TRIM13: variants seen among roughly 807,000 people sequenced by gnomAD.
TRIM13 encodes tripartite motif containing 13.
TRIM13 carries 15 observed loss-of-function variants against 27.1 expected under a neutral mutation model. The ratio of observed to expected loss-of-function variants is 0.55; its 90% CI spans 0.37 to 0.85. TRIM13 has a LOEUF of 0.85. Among genes scored for constraint, TRIM13 ranks in the 40% least tolerant of loss-of-function variants. TRIM13 has a pLI of 0.00. For missense variants in TRIM13, 402 were observed against 472.2 expected, an observed-to-expected ratio of 0.85 and a Z score of 1.38; for synonymous variants, 193 against 171.5, an observed-to-expected ratio of 1.13 and a Z score of -0.98.
At chr13:50,000,441 G>A (rs554569114) in intron 1 of TRIM13, among the ~76,000 whole-genome samples, 17 of 152,226 alleles carry the variant, frequency 1.1e-4, no homozygotes, top group African/African-American at 3.9e-4. Flanking sequence ...TTACCTAAAT[G>A]TTACAATACC....
rs1417607806 is a variant in TRIM13 at position 50,017,744 on chromosome 13, G to A, written c.*4580G>A. On this transcript the variant is annotated 3_prime_UTR_variant, in exon 2 of 2. Transcript: ENST00000378182. ...TGGGATGAAAACTCTGGCCTTAAAA[G>A]GTCCACTTTTAGTATATAATTGCCT... 6.0e-6 allele frequency: 1 copy of A among 166,956 alleles called. No homozygotes were observed. Among genetic ancestry groups the A allele is most frequent in the East Asian group, 1.9e-4 (1 of 5,198 alleles). The allele number at this position is 166,956 out of a possible 1,614,324, so 10.3% of individuals were successfully genotyped here. A position where few individuals can be genotyped will look rare whatever the true frequency, so the allele number is the denominator to read the frequency against.
At chr13:50,007,514 C>G (rs1318982539) in intron 1 of TRIM13, among the ~76,000 whole-genome samples, 1 of 146,704 alleles carries the variant, frequency 6.8e-6, no homozygotes, top group Admixed American at 6.8e-5. Flanking sequence ...ACGCCAGGCA[C>G]GGTGGCTCAC....
chr13:50,009,315 T>C (rs1247682096), intron 1 of TRIM13, among the ~76,000 whole-genome samples: 2 of 152,130 alleles, frequency 1.3e-5, no homozygotes, highest in Non-Finnish European at 2.9e-5. Flanking sequence ...TTGGTTGAAA[T>C]AAACGAAGAA....
In TRIM13 at chr13:50,017,157, C is replaced by T. The variant is rs541392130; in HGVS notation, c.*3993C>T. 3 of 167,064 alleles carry T rather than the reference C, an allele frequency of 1.8e-5. No individual in the cohort carries two copies. The highest frequency in any genetic ancestry group is 2.9e-5 in the Non-Finnish European group (2 of 68,076). The allele number at this position is 167,064 out of a possible 1,614,324, so 10.3% of individuals were successfully genotyped here. A position where few individuals can be genotyped will look rare whatever the true frequency, so the allele number is the denominator to read the frequency against. On this transcript the variant is annotated 3_prime_UTR_variant, in exon 2 of 2. Transcript: ENST00000378182. ...CTAATACCTTATCTTTATCTCAAAC[C>T]TCTGTACAACTTTATTTTCATTGAT...
chr13:50,002,001 G>T (rs1874099738), intron 1 of TRIM13, among the ~76,000 whole-genome samples: 1 of 152,118 alleles, frequency 6.6e-6, no homozygotes, highest in African/African-American at 2.4e-5. Context: ...GTTTGTCAGA[G>T]GTTACAGACT....
At position 50,017,535 on chromosome 13, in the gene TRIM13, A is replaced by G. The variant is rs536367433; in HGVS notation, c.*4371A>G. 6.0e-6 allele frequency: 1 copy of G among 167,168 alleles called. No homozygotes were observed. Among genetic ancestry groups the G allele is most frequent in the South Asian group, 2.1e-4 (1 of 4,828 alleles). 10.4% of individuals were successfully genotyped at this position (167,168 alleles called of 1,614,324 possible). A position where few individuals can be genotyped will look rare whatever the true frequency, so the allele number is the denominator to read the frequency against. ...GAGAAAACATTATATTTAGACTTCCATAATTCCAAAATCAGAAGCTATTTT... is the reference window on the plus strand; with the variant it reads ...GAGAAAACATTATATTTAGACTTCCGTAATTCCAAAATCAGAAGCTATTTT... On this transcript the variant is annotated 3_prime_UTR_variant, in exon 2 of 2. Coordinates refer to ENST00000378182, the MANE Select transcript of TRIM13 (RefSeq NM_213590.3).
At chr13:50,011,733 C>T (rs952617132) in intron 1 of TRIM13, among the ~76,000 whole-genome samples, 2 of 152,180 alleles carry the variant, frequency 1.3e-5, no homozygotes, top group African/African-American at 4.8e-5. Context: ...ATAGGATGCC[C>T]TACTATTAAA....
Position 50,014,344 on chromosome 13 carries a change from A to AAAAATATATAT in TRIM13, c.*1181_*1182insAAATATATATA, listed in dbSNP as rs1555325057. On this transcript the variant is annotated 3_prime_UTR_variant, in exon 2 of 2. Transcript: ENST00000378182. ...AAAAAAAAAAAAAAAAAAAAAAAAA[A>AAAAATATATAT]ATATATATATATATATACACACACA... 1 of 19,726 alleles carries AAAAATATATAT rather than the reference A, an allele frequency of 5.1e-5. No individual in the cohort carries two copies. Among genetic ancestry groups the AAAAATATATAT allele is most frequent in the Non-Finnish European group, 8.3e-5 (1 of 12,098 alleles). 1.2% of individuals were successfully genotyped at this position (19,726 alleles called of 1,614,324 possible).
intron 1 of TRIM13, among the ~76,000 whole-genome samples, chr13:50,003,741 T>C (rs1009916806): frequency 9.2e-5 from 14 of 152,230 alleles, no homozygotes; most frequent in African/African-American, 2.9e-4. Flanking sequence ...TCTTTGTGGA[T>C]AGCTTGACAA....
In TRIM13 at chr13:50,012,569, C is replaced by A. The variant is rs1875787613; in HGVS notation, c.629C>A (p.Ala210Asp). Residue 210 changes from alanine (A) to aspartate (D), a missense_variant, in exon 2 of 2, where the codon GCT (alanine) becomes GAT (aspartate). By Grantham distance (126) the Ala-to-Asp change is moderately radical. Transcript: ENST00000378182. Reference protein sequence around the residue: ...ILSDFETMKLAVMQAYDPEIN... With the variant: ...ILSDFETMKLDVMQAYDPEIN... ...TCTGACTTTGAGACCATGAAACTTG[C>A]TGTTATGCAAGCATATGACCCAGAG... is the stretch of plus-strand genomic sequence containing the variant. 2 of 1,613,988 alleles carry A rather than the reference C, an allele frequency of 1.2e-6. No homozygotes were observed. The highest frequency in any genetic ancestry group is 2.7e-5 in the African/African-American group (2 of 74,916).
Position 50,016,047 on chromosome 13 carries a change from C to G in TRIM13, c.*2883C>G. 2 of 1,613,852 alleles carry G rather than the reference C, an allele frequency of 1.2e-6. No individual in the cohort carries two copies. The highest frequency in any genetic ancestry group is 1.7e-6 in the Non-Finnish European group (2 of 1,179,778). ...GTTTTCCAGTGTGGTTCTGACAGCA[C>G]TACTGATAACCAAACTGGAGTCAGG... On this transcript the variant is annotated 3_prime_UTR_variant, in exon 2 of 2. Transcript: ENST00000378182.
At chr13:50,010,416 A>G (rs1875485360) in intron 1 of TRIM13, among the ~76,000 whole-genome samples, 1 of 152,200 alleles carries the variant, frequency 6.6e-6, no homozygotes, top group Non-Finnish European at 1.5e-5. Context: ...TGGAGTATGG[A>G]ATCTGAAATT....
Position 50,012,049 on chromosome 13 carries a change from A to G in TRIM13, c.109A>G (p.Ile37Val), listed in dbSNP as rs935907426. 1.5e-5 allele frequency: 25 copies of G among 1,613,970 alleles called. No homozygotes were observed. Among genetic ancestry groups the G allele is most frequent in the Non-Finnish European group, 2.1e-5 (25 of 1,180,008 alleles). Residue 37 changes from isoleucine (I) to valine (V), a missense_variant, in exon 2 of 2, where the codon ATC becomes GTC. Physicochemically the swap from Ile to Val is conservative, Grantham distance 29 (BLOSUM62 3). This residue lies in a region of TRIM13 where 202 missense variants were observed against 277.5 expected (regional missense o/e 0.73). Coordinates refer to ENST00000378182, the MANE Select transcript of TRIM13 (RefSeq NM_213590.3). ...CTTCTGCAAAAAATGCTTAGAAGGT[A>G]TCTTAGAAGGGAGTGTGCGGAATTC... ...HNFCKKCLEG[I>V]LEGSVRNSLW...
rs1226639221 is a variant in TRIM13, at chr13:50,013,002, C to T, written c.1062C>T (p.Phe354=). Residue 354 remains phenylalanine (F), a synonymous_variant, in exon 2 of 2, where the codon TTC becomes TTT. Coordinates refer to ENST00000378182, the MANE Select transcript of TRIM13 (RefSeq NM_213590.3). ...CTTGGAAAGGCTGTCTTTCAAACTT[C>T]AGTTCCTATCTGACTAAAACAGCCG... is the stretch of plus-strand genomic sequence containing the variant. The part of the protein sequence containing the change: ...LATWKGCLSN[F]SSYLTKTADF... 6.2e-7 allele frequency: 1 copy of T among 1,613,942 alleles called. No homozygotes were observed. Among genetic ancestry groups the T allele is most frequent in the East Asian group, 2.2e-5 (1 of 44,860 alleles).
Position 49,997,480 on chromosome 13 carries a change from A to C in TRIM13, c.-290A>C, listed in dbSNP as rs1002388596. 1 of 152,138 alleles carries C rather than the reference A, an allele frequency of 6.6e-6. No individual in the cohort carries two copies. Among genetic ancestry groups the C allele is most frequent in the Non-Finnish European group, 1.5e-5 (1 of 68,070 alleles). The allele number at this position is 152,138 out of a possible 1,614,324, so 9.4% of individuals were successfully genotyped here. A position where few individuals can be genotyped will look rare whatever the true frequency, so the allele number is the denominator to read the frequency against. ...CAGCGCGCCGCCAGCGTTTGGTTGC[A>C]TGGCGCCGGGGGAGGGCGCCCTAAC... On this transcript the variant is annotated 5_prime_UTR_variant, in exon 1 of 2. The change abolishes an upstream ATG in the 5' untranslated region. Transcript: ENST00000378182.
In TRIM13 at chr13:50,016,193, T is replaced by C; in HGVS notation, c.*3029T>C. ...GATTATTCAAAATAATGTTTTGGGG[T>C]AACCAGTGGAGTTGGGTAGAATGAC... On this transcript the variant is annotated 3_prime_UTR_variant, in exon 2 of 2. Coordinates refer to ENST00000378182, the MANE Select transcript of TRIM13 (RefSeq NM_213590.3). The C allele has an allele frequency of 1.4e-6, 1 of 732,258 alleles. No individual in the cohort carries two copies. Among genetic ancestry groups the C allele is most frequent in the Non-Finnish European group, 2.2e-6 (1 of 445,142 alleles). 45.4% of individuals were successfully genotyped at this position (732,258 alleles called of 1,614,324 possible). A position where few individuals can be genotyped will look rare whatever the true frequency, so the allele number is the denominator to read the frequency against.
chr13:50,013,644 T>G lies in TRIM13; in HGVS notation c.*480T>G, dbSNP rs975434204. On this transcript the variant is annotated 3_prime_UTR_variant, in exon 2 of 2. Transcript: ENST00000378182. ...TTCAAGTGATTATCCTGCCTTAGCC[T>G]CCTGAGTAGCTGGGATTACAGGCGC... The G allele has an allele frequency of 6.1e-6, 1 of 163,712 alleles. No individual in the cohort carries two copies. The highest frequency in any genetic ancestry group is 2.5e-5 in the African/African-American group (1 of 40,762). The allele number at this position is 163,712 out of a possible 1,614,324, so 10.1% of individuals were successfully genotyped here. A position where few individuals can be genotyped will look rare whatever the true frequency, so the allele number is the denominator to read the frequency against.
chr13:50,001,464 CTGAG>C (rs1348910155), intron 1 of TRIM13, among the ~76,000 whole-genome samples: 3 of 152,096 alleles, frequency 2.0e-5, no homozygotes, highest in Non-Finnish European at 4.4e-5. Context: ...TGTGAACTTT[CTGAG>C]TAAGTGAACT....
Position 50,015,095 on chromosome 13 carries a change from ATATATATATATATATATATATATATATAT to A in TRIM13, c.*1932_*1960del, listed in dbSNP as rs1876312593. On this transcript the variant is annotated 3_prime_UTR_variant, in exon 2 of 2. Transcript: ENST00000378182. The stretch of plus-strand genomic sequence containing the variant: ...AGTAATAAAAAAAAAAAAAAAAAAA[ATATATATATATATATATATATATATATAT>A]ATATATATATATATATATATATATA... The A allele has an allele frequency of 2.4e-4, 4 of 16,704 alleles. No individual in the cohort carries two copies. The highest frequency in any genetic ancestry group is 9.7e-4 in the African/African-American group (3 of 3,094). 1.0% of individuals were successfully genotyped at this position (16,704 alleles called of 1,614,324 possible). A position where few individuals can be genotyped will look rare whatever the true frequency, so the allele number is the denominator to read the frequency against.
Sources: gnomAD v4.1 joint callset for allele counts (sites outside exome capture counted in the v4.1 genomes callset) on GRCh38, gnomAD v4.1.1 for gene constraint, gnomAD v4.1.1 regional missense constraint, MANE v1.5 for transcripts, NCBI Gene and HGNC (gene_info 2026-07-23, HGNC 2026-07-21) for gene names.